Variants in OPA3 observed in about 807,000 individuals in gnomAD.
OPA3 encodes the protein outer mitochondrial membrane lipid metabolism regulator OPA3, also known as optic atrophy 3 protein.
In OPA3, 6 loss-of-function variants were observed where a neutral mutation model predicts 4.0. The observed-to-expected ratio is 1.51, with a 90% CI of 0.83 to 2.99. The LOEUF (loss-of-function observed/expected upper bound fraction) is 2.99. Ranked by LOEUF, OPA3 falls within the 30% of genes most tolerant of loss-of-function variation. The pLI is 0.00. For synonymous variants in OPA3, 105 were observed against 117.1 expected, an observed-to-expected ratio of 0.90 and a Z score of 0.67; for missense variants, 235 against 256.2, an observed-to-expected ratio of 0.92 and a Z score of 0.56.
rs1969330221 is a variant in OPA3, at chr19:45,551,322, C to G, written c.*2192G>C. 4 of 152,288 alleles carry G rather than the reference C, an allele frequency of 2.6e-5. No homozygotes were observed. Among genetic ancestry groups the G allele is most frequent in the Admixed American group, 2.6e-4 (4 of 15,264 alleles). 9.4% of individuals were successfully genotyped at this position (152,288 alleles called of 1,614,324 possible). ...TGGGCTGAATGGCTTGAATGGTGTGCCCCCAACAGACAAGTCCACATACTA... is the reference window on the plus strand; with the variant it reads ...TGGGCTGAATGGCTTGAATGGTGTGGCCCCAACAGACAAGTCCACATACTA... On this transcript the variant is annotated 3_prime_UTR_variant, in exon 2 of 2. Transcript: ENST00000263275.
intron 1 of OPA3, among the ~76,000 whole-genome samples, chr19:45,564,406 G>GC (rs1969552442): frequency 6.6e-6 from 1 of 152,194 alleles, no homozygotes; most frequent in African/African-American, 2.4e-5. Flanking sequence ...GTGGGGTTAA[G>GC]CCCAGGATCC....
At chr19:45,571,182 C>A (rs1369177060) in intron 1 of OPA3, among the ~76,000 whole-genome samples, 1 of 151,868 alleles carries the variant, frequency 6.6e-6, no homozygotes, top group African/African-American at 2.4e-5. Context: ...CTTGCTCTGT[C>A]GCCCAGGCTG....
intron 1 of OPA3, among the ~76,000 whole-genome samples, chr19:45,529,762 G>A (rs575664777): frequency 5.4e-4 from 82 of 152,030 alleles, no homozygotes; most frequent in African/African-American, 1.9e-3. Flanking sequence ...CCAGGGTTTC[G>A]CTCTATCGTC....
intron 1 of OPA3, among the ~76,000 whole-genome samples, chr19:45,537,045 C>T (rs955139920): frequency 5.9e-5 from 9 of 152,114 alleles, no homozygotes; most frequent in African/African-American, 2.2e-4. Context: ...TACTGGGCAA[C>T]ATGGTGAAAC....
Position 45,548,494 on chromosome 19 carries a change from A to G in OPA3, c.*5020T>C, listed in dbSNP as rs902049080. The G allele has an allele frequency of 2.0e-6, 2 of 985,290 alleles. No homozygotes were observed. Among genetic ancestry groups the G allele is most frequent in the South Asian group, 4.7e-5 (1 of 21,290 alleles). The allele number at this position is 985,290 out of a possible 1,614,324, so 61.0% of individuals were successfully genotyped here. On this transcript the variant is annotated 3_prime_UTR_variant, in exon 2 of 2. Coordinates refer to ENST00000263275, the MANE Select transcript of OPA3 (RefSeq NM_025136.4). Reference sequence around the variant, plus strand: ...GGATTCAGCCCAGCCCCTGCTTCCTAAACAACTATGGGGTGGGGCAGGGAA... The same window carrying G: ...GGATTCAGCCCAGCCCCTGCTTCCTGAACAACTATGGGGTGGGGCAGGGAA...
At chr19:45,584,519 GT>G in intron 1 of OPA3, 103 bp downstream of exon 1, 3 of 1,599,930 alleles carry the variant, frequency 1.9e-6, no homozygotes, top group Admixed American at 3.4e-5. Context: ...GACTTTGCCG[GT>G]TCGGGCTGTG....
intron 1 of OPA3, among the ~76,000 whole-genome samples, chr19:45,539,674 C>T (rs146247173): frequency 0.012 from 1,704 of 143,694 alleles, 27 homozygotes; most frequent in African/African-American, 0.041. Flanking sequence ...AGCTACTGGG[C>T]GGGGGTGGGG....
intron 1 of OPA3, among the ~76,000 whole-genome samples, chr19:45,565,941 A>G (rs1477770574): frequency 6.6e-6 from 1 of 152,164 alleles, no homozygotes; most frequent in Non-Finnish European, 1.5e-5. Context: ...ACAGAGTGAC[A>G]CTTGGTCTTA....
At chr19:45,563,967 G>A (rs1478953445) in intron 1 of OPA3, among the ~76,000 whole-genome samples, 1 of 151,836 alleles carries the variant, frequency 6.6e-6, no homozygotes, top group South Asian at 2.1e-4. Context: ...TGGGATTACC[G>A]GTGTGCACCA....
At chr19:45,534,882 C>T (rs1010367102) in intron 1 of OPA3, among the ~76,000 whole-genome samples, 19 of 152,120 alleles carry the variant, frequency 1.2e-4, no homozygotes, top group African/African-American at 3.9e-4. Flanking sequence ...CCCCCAGCCT[C>T]GGCCTTCCAA....
At position 45,553,855 on chromosome 19, in the gene OPA3, C is replaced by T. The variant is rs1431669356; in HGVS notation, c.199G>A (p.Val67Ile). Residue 67 changes from valine to isoleucine, a missense_variant, in exon 2 of 2, where the codon GTC becomes ATC. Coordinates refer to ENST00000263275, the MANE Select transcript of OPA3 (RefSeq NM_025136.4). Reference sequence around the variant, plus strand: ...GCCTCCTCGTTCAGCGGCTTGATGACCGTGCCCCGGAAGCCCATGATGCGC... The same window carrying T: ...GCCTCCTCGTTCAGCGGCTTGATGATCGTGCCCCGGAAGCCCATGATGCGC... ...KMRIMGFRGT[V>I]IKPLNEEAAA... 1 of 1,612,028 alleles carries T rather than the reference C, an allele frequency of 6.2e-7. No homozygotes were observed. The highest frequency in any genetic ancestry group is 8.5e-7 in the Non-Finnish European group (1 of 1,178,692).
intron 1 of OPA3, among the ~76,000 whole-genome samples, chr19:45,577,881 T>A (rs1270708319): frequency 6.6e-6 from 1 of 152,130 alleles, no homozygotes; most frequent in Middle Eastern, 3.2e-3. Flanking sequence ...AATGTCAATG[T>A]CAAAAAACAA....
intron 1 of OPA3, among the ~76,000 whole-genome samples, chr19:45,560,222 A>G (rs1377213814): frequency 6.6e-6 from 1 of 151,200 alleles, no homozygotes; most frequent in Non-Finnish European, 1.5e-5. Flanking sequence ...ATCCCAACTC[A>G]GATGTCCCCT....
At chr19:45,533,642 A>G (rs1321291165) in intron 1 of OPA3, among the ~76,000 whole-genome samples, 1 of 152,212 alleles carries the variant, frequency 6.6e-6, no homozygotes, top group African/African-American at 2.4e-5. Context: ...TCCGTACTCC[A>G]GGGCAGGCCA....
intron 1 of OPA3, among the ~76,000 whole-genome samples, chr19:45,576,112 A>G (rs1042455250): frequency 6.6e-6 from 1 of 151,934 alleles, no homozygotes; most frequent in Admixed American, 6.6e-5. Context: ...AATCCCAGCT[A>G]TTCAGGAGGC....
exon 2 of OPA3, chr19:45,529,196 C>T: frequency 6.2e-7 from 1 of 1,611,414 alleles, no homozygotes; most frequent in Non-Finnish European, 8.5e-7. Context: ...GCCTGCAACT[C>T]CTCGAGCGCC....
chr19:45,579,488 T>C (rs1969814924), intron 1 of OPA3, among the ~76,000 whole-genome samples: 1 of 152,140 alleles, frequency 6.6e-6, no homozygotes, highest in Non-Finnish European at 1.5e-5. Flanking sequence ...CCCAAAGTGC[T>C]GGGATTACAG....
intron 1 of OPA3, among the ~76,000 whole-genome samples, chr19:45,572,468 CAT>C (rs930628826): frequency 2.5e-5 from 3 of 118,078 alleles, no homozygotes; most frequent in Non-Finnish European, 3.6e-5. Context: ...TATCATATAT[CAT>C]ATAATAATCA....
chr19:45,573,953 A>G (rs943021399), intron 1 of OPA3, among the ~76,000 whole-genome samples: 34 of 151,992 alleles, frequency 2.2e-4, no homozygotes, highest in African/African-American at 8.0e-4. Context: ...ACTTGAGGTC[A>G]GGAGTTGGAG....
Sources: gnomAD v4.1 joint callset for allele counts (sites outside exome capture counted in the v4.1 genomes callset) on GRCh38, gnomAD v4.1.1 for gene constraint, MANE v1.5 for transcripts, NCBI Gene and HGNC (gene_info 2026-07-23, HGNC 2026-07-21) for gene names.